NRXN1: variants seen among roughly 807,000 people sequenced by gnomAD.
The protein encoded by NRXN1 is neurexin 1.
Under a neutral mutation model 150.9 loss-of-function variants are expected in NRXN1, and 39 were observed. The observed-to-expected ratio is 0.26, with a 90% CI of 0.20 to 0.34. NRXN1 has a LOEUF of 0.34. NRXN1 is among the 10% of genes least tolerant of loss of function. The pLI is 1.00. For missense variants in NRXN1, 1,815 were observed against 1,949.9 expected (o/e 0.93, Z 1.30); for synonymous variants, 924 against 757.0 (o/e 1.22, Z -3.62).
chr2:50,626,627 G>T (rs1425308002), intron 5 of NRXN1, among the ~76,000 whole-genome samples: 2 of 151,828 alleles, frequency 1.3e-5, no homozygotes, highest in Admixed American at 1.3e-4. Flanking sequence ...ATTCTACATG[G>T]ATGCCCGATT....
At chr2:50,605,256 T>C (rs1007780525) in intron 8 of NRXN1, among the ~76,000 whole-genome samples, 1 of 152,224 alleles carries the variant, frequency 6.6e-6, no homozygotes, top group African/African-American at 2.4e-5. Context: ...ATTAAAGGCA[T>C]TGTAATTCAT....
chr2:50,789,653 C>G (rs1435007365), intron 5 of NRXN1, among the ~76,000 whole-genome samples: 1 of 151,976 alleles, frequency 6.6e-6, no homozygotes, highest in East Asian at 1.9e-4. Context: ...CTCAGATAAG[C>G]TATAGACATC....
At chr2:50,876,291 T>C (rs948968178) in intron 5 of NRXN1, among the ~76,000 whole-genome samples, 1 of 151,806 alleles carries the variant, frequency 6.6e-6, no homozygotes, top group Non-Finnish European at 1.5e-5. Flanking sequence ...TCTTAGAACA[T>C]TTCCAAAACT....
chr2:49,995,683 A>C (rs1161358990), intron 21 of NRXN1, among the ~76,000 whole-genome samples: 6 of 146,370 alleles, frequency 4.1e-5, no homozygotes, highest in African/African-American at 1.5e-4. Context: ...CGGGAGGCTG[A>C]GGCAGGAGAA....
At chr2:50,465,586 T>G in intron 16 of NRXN1, 25 bp from the exon 17 acceptor site, 1 of 1,583,204 alleles carries the variant, frequency 6.3e-7, no homozygotes, top group Non-Finnish European at 8.6e-7. Context: ...AAAGGAAACT[T>G]GGGTTCTTTA....
At chr2:50,624,405 G>A (rs1680615197) in intron 5 of NRXN1, among the ~76,000 whole-genome samples, 1 of 151,976 alleles carries the variant, frequency 6.6e-6, no homozygotes, top group African/African-American at 2.4e-5. Context: ...TGACAACAAT[G>A]GATTCCAAGA....
At chr2:50,387,633 G>A (rs2081412401) in intron 17 of NRXN1, among the ~76,000 whole-genome samples, 1 of 152,102 alleles carries the variant, frequency 6.6e-6, no homozygotes, top group South Asian at 2.1e-4. Context: ...AGTTAGTTGT[G>A]CTAAAGGCTA....
intron 21 of NRXN1, among the ~76,000 whole-genome samples, chr2:49,979,331 T>C (rs1318829855): frequency 6.6e-6 from 1 of 152,078 alleles, no homozygotes; most frequent in Non-Finnish European, 1.5e-5. Flanking sequence ...AGGGGAAAAG[T>C]TGATGTTCAG....
chr2:50,974,011 C>T (rs1402719649), intron 2 of NRXN1, among the ~76,000 whole-genome samples: 1 of 151,858 alleles, frequency 6.6e-6, no homozygotes, highest in Non-Finnish European at 1.5e-5. Flanking sequence ...AAAAAAAATA[C>T]TAAAAATCAT....
chr2:50,028,495 G>C (rs1198795639), intron 21 of NRXN1, among the ~76,000 whole-genome samples: 1 of 152,182 alleles, frequency 6.6e-6, no homozygotes, highest in Admixed American at 6.5e-5. Context: ...CAACAGCATA[G>C]TGTGTCCTAC....
intron 13 of NRXN1, among the ~76,000 whole-genome samples, chr2:50,505,059 T>C (rs577227645): frequency 6.6e-6 from 1 of 152,284 alleles, no homozygotes; most frequent in Non-Finnish European, 1.5e-5. Flanking sequence ...TGTTACTCTA[T>C]GTAACATATC....
intron 5 of NRXN1, among the ~76,000 whole-genome samples, chr2:50,747,513 C>A (rs1436102230): frequency 6.6e-6 from 1 of 152,058 alleles, no homozygotes; most frequent in Non-Finnish European, 1.5e-5. Flanking sequence ...CCCTGGTTTT[C>A]TTTTAATTCT....
At chr2:50,167,359 A>T (rs979949247) in intron 18 of NRXN1, among the ~76,000 whole-genome samples, 2 of 152,086 alleles carry the variant, frequency 1.3e-5, no homozygotes, top group African/African-American at 4.8e-5. Flanking sequence ...CTCTCGCTCA[A>T]CATGAAGGCA....
intron 5 of NRXN1, among the ~76,000 whole-genome samples, chr2:50,799,684 A>G (rs1163045573): frequency 3.9e-5 from 6 of 152,156 alleles, no homozygotes; most frequent in Admixed American, 6.6e-5. Flanking sequence ...GTATTAGATG[A>G]ATTTGCTCAA....
chr2:50,847,066 G>C (rs1474140251), intron 5 of NRXN1, among the ~76,000 whole-genome samples: 2 of 152,118 alleles, frequency 1.3e-5, no homozygotes, highest in Non-Finnish European at 2.9e-5. Context: ...AAGATAAGGA[G>C]GAACTTATAT....
chr2:50,342,192 T>G (rs2077596629), intron 17 of NRXN1, among the ~76,000 whole-genome samples: 1 of 152,294 alleles, frequency 6.6e-6, no homozygotes, highest in Non-Finnish European at 1.5e-5. Context: ...ATCTAAGAAA[T>G]AAATCTATTA....
intron 21 of NRXN1, among the ~76,000 whole-genome samples, chr2:49,948,201 G>A (rs1673299047): frequency 1.3e-5 from 2 of 152,014 alleles, no homozygotes; most frequent in Admixed American, 1.3e-4. Context: ...AGTGTTTCAT[G>A]CAGACTAAAT....
At chr2:51,019,128 C>T (rs1193017774) in intron 2 of NRXN1, among the ~76,000 whole-genome samples, 5 of 151,984 alleles carry the variant, frequency 3.3e-5, no homozygotes, top group Non-Finnish European at 7.4e-5. Flanking sequence ...GCCCAGCATC[C>T]CTTTGATAAG....
At chr2:50,937,448 A>T (rs1444195515) in intron 2 of NRXN1, among the ~76,000 whole-genome samples, 1 of 152,098 alleles carries the variant, frequency 6.6e-6, no homozygotes, top group African/African-American at 2.4e-5. Flanking sequence ...AGTTGGCAGG[A>T]TTTACTTGCC....
Sources: gnomAD v4.1 joint callset for allele counts (sites outside exome capture counted in the v4.1 genomes callset) on GRCh38, gnomAD v4.1.1 for gene constraint, MANE v1.5 for transcripts, NCBI Gene and HGNC (gene_info 2026-07-23, HGNC 2026-07-21) for gene names.